CTNND2: variants seen among roughly 807,000 people sequenced by gnomAD.
CTNND2 encodes the protein catenin delta-2.
Under a neutral mutation model 144.4 loss-of-function variants are expected in CTNND2, and 22 were observed. The ratio of observed to expected loss-of-function variants is 0.15; its 90% CI spans 0.11 to 0.22. CTNND2 has a LOEUF of 0.22. CTNND2 is among the 10% of genes least tolerant of loss of function. The probability of loss-of-function intolerance (pLI) is 1.00; values close to 1 mark genes in which losing one functional copy is unlikely to be tolerated. For missense variants in CTNND2, 1,353 were observed against 1,618.8 expected, an observed-to-expected ratio of 0.84 and a Z score of 2.82; for synonymous variants, 751 against 695.6, an observed-to-expected ratio of 1.08 and a Z score of -1.25.
At chr5:11,647,727 T>G (rs1473826571) in intron 2 of CTNND2, among the ~76,000 whole-genome samples, 2 of 152,146 alleles carry the variant, frequency 1.3e-5, no homozygotes, top group African/African-American at 4.8e-5. Context: ...TCAGGACCTG[T>G]GCTAACTCTA....
chr5:11,674,733 T>C (rs1040530060), intron 2 of CTNND2, among the ~76,000 whole-genome samples: 4 of 151,904 alleles, frequency 2.6e-5, no homozygotes, highest in African/African-American at 7.3e-5. Flanking sequence ...GGTTGGTTGG[T>C]TGGTTGGTTT....
chr5:11,223,330 C>T (rs191690120), intron 10 of CTNND2, among the ~76,000 whole-genome samples: 1 of 152,238 alleles, frequency 6.6e-6, no homozygotes, highest in African/African-American at 2.4e-5. Flanking sequence ...TGTGTGATCT[C>T]CCCACTGTAC....
chr5:11,012,238 G>A (rs561715752), intron 18 of CTNND2, among the ~76,000 whole-genome samples: 66 of 152,226 alleles, frequency 4.3e-4, no homozygotes, highest in Middle Eastern at 3.4e-3. Context: ...AACCAAGGGA[G>A]GGGGTGGGAT....
At chr5:11,132,232 A>G (rs948280508) in intron 12 of CTNND2, among the ~76,000 whole-genome samples, 1 of 152,176 alleles carries the variant, frequency 6.6e-6, no homozygotes, top group African/African-American at 2.4e-5. Flanking sequence ...GTCACTCAGT[A>G]GGGAAGAAAG....
intron 16 of CTNND2, among the ~76,000 whole-genome samples, chr5:11,082,138 G>T (rs1016137402): frequency 2.6e-5 from 4 of 152,146 alleles, no homozygotes; most frequent in African/African-American, 9.7e-5. Flanking sequence ...TTTGCTTATT[G>T]ATTTAATCTC....
chr5:11,839,922 T>A (rs559358140), intron 1 of CTNND2, among the ~76,000 whole-genome samples: 35 of 152,286 alleles, frequency 2.3e-4, no homozygotes, highest in African/African-American at 7.0e-4. Context: ...AAGAGAAAGA[T>A]AACTAAACTT....
At chr5:11,382,609 G>A (rs200315349) in intron 7 of CTNND2, among the ~76,000 whole-genome samples, 3,581 of 148,558 alleles carry the variant, frequency 0.024, 83 homozygotes, top group African/African-American at 0.037. Context: ...GTGTGTGTGT[G>A]TGTGTGTGTG....
At chr5:11,775,373 T>C (rs139447890) in intron 1 of CTNND2, among the ~76,000 whole-genome samples, 1 of 152,238 alleles carries the variant, frequency 6.6e-6, no homozygotes, top group Non-Finnish European at 1.5e-5. Context: ...AATATCCATT[T>C]CCTCATCTGT....
intron 9 of CTNND2, among the ~76,000 whole-genome samples, chr5:11,322,015 C>T (rs1245360848): frequency 6.6e-6 from 1 of 152,192 alleles, no homozygotes; most frequent in Non-Finnish European, 1.5e-5. Context: ...GGGCCTGCCA[C>T]ACAACGCCTC....
chr5:11,377,074 G>T (rs1388447490), intron 7 of CTNND2, among the ~76,000 whole-genome samples: 2 of 147,754 alleles, frequency 1.4e-5, no homozygotes, highest in African/African-American at 2.5e-5. Flanking sequence ...TTTTTGAGAA[G>T]GAGGCTCATT....
rs1184207577 is a variant in CTNND2 at position 11,384,981 on chromosome 5, G to C, written c.861C>G (p.Pro287=). The C allele has an allele frequency of 1.8e-5, 28 of 1,531,968 alleles. No individual in the cohort carries two copies. The highest frequency in any genetic ancestry group is 2.4e-5 in the Non-Finnish European group (27 of 1,144,518). The allele number at this position is 1,531,968 out of a possible 1,614,324, so 94.9% of individuals were successfully genotyped here. Residue 287 remains proline (P), a synonymous_variant, in exon 7 of 22, where the codon CCC becomes CCG. Coordinates refer to ENST00000304623, the MANE Select transcript of CTNND2 (RefSeq NM_001332.4). The surrounding 1 kb of genome is among the most constrained non-coding windows in gnomAD (Gnocchi z 5.2). ...GCGGCGCGGCGTAGGTGGCGCCCTCGGGGGCCGAGCCGCCGCGCTGCAGCT... is the reference window on the plus strand; with the variant it reads ...GCGGCGCGGCGTAGGTGGCGCCCTCCGGGGCCGAGCCGCCGCGCTGCAGCT... ...PTKLQRGGSA[P]EGATYAAPRG...
chr5:11,174,353 G>A (rs888396453), intron 11 of CTNND2, among the ~76,000 whole-genome samples: 1 of 152,204 alleles, frequency 6.6e-6, no homozygotes, highest in African/African-American at 2.4e-5. Flanking sequence ...AGAACCAGCA[G>A]CCCAGGGCTG....
chr5:11,431,591 C>T (rs1581180129), intron 3 of CTNND2, among the ~76,000 whole-genome samples: 3 of 152,146 alleles, frequency 2.0e-5, no homozygotes, highest in African/African-American at 7.2e-5. Flanking sequence ...AGGACTTTGG[C>T]TACTCTGCTG....
At chr5:11,316,458 T>C (rs536509873) in intron 9 of CTNND2, among the ~76,000 whole-genome samples, 1 of 132,588 alleles carries the variant, frequency 7.5e-6, no homozygotes, top group East Asian at 2.2e-4. Context: ...GGTACTCTTA[T>C]CCACTATTTT....
At chr5:11,158,977 A>G (rs1758498321) in intron 12 of CTNND2, among the ~76,000 whole-genome samples, 1 of 152,210 alleles carries the variant, frequency 6.6e-6, no homozygotes. Flanking sequence ...TGATTCTAAG[A>G]AATCTCAATA....
At chr5:11,882,170 TC>T (rs1239437827) in intron 1 of CTNND2, among the ~76,000 whole-genome samples, 3 of 152,232 alleles carry the variant, frequency 2.0e-5, no homozygotes, top group African/African-American at 7.2e-5. Context: ...GTATACTGTC[TC>T]TTCACTCTAT....
At chr5:11,289,596 T>C (rs1354468878) in intron 9 of CTNND2, among the ~76,000 whole-genome samples, 1 of 152,204 alleles carries the variant, frequency 6.6e-6, no homozygotes, top group Non-Finnish European at 1.5e-5. Flanking sequence ...TCAGACGCCT[T>C]TGGATCCAAG....
At chr5:11,288,602 G>A (rs887997373) in intron 9 of CTNND2, among the ~76,000 whole-genome samples, 2 of 151,854 alleles carry the variant, frequency 1.3e-5, no homozygotes, top group African/African-American at 4.8e-5. Flanking sequence ...AAACTAATGG[G>A]GGAAGCACAA....
At chr5:11,870,189 T>C (rs1277403806) in intron 1 of CTNND2, among the ~76,000 whole-genome samples, 3 of 152,170 alleles carry the variant, frequency 2.0e-5, no homozygotes, top group Non-Finnish European at 2.9e-5. Context: ...TTCTCATTCA[T>C]AGGCAATTCT....
Sources: allele counts gnomAD v4.1 joint callset (sites outside exome capture counted in the v4.1 genomes callset), GRCh38; gene constraint gnomAD v4.1.1; non-coding constraint Gnocchi (gnomAD v3.1); transcripts MANE v1.5; gene names NCBI Gene and HGNC (gene_info 2026-07-23, HGNC 2026-07-21).